The following DMXL2 variants were observed in gnomAD, a reference collection of about 807,000 sequenced individuals.
DMXL2 encodes the protein dmX-like protein 2.
Under a neutral mutation model 331.1 loss-of-function variants are expected in DMXL2, and 103 were observed. The observed-to-expected ratio is 0.31, with a 90% CI of 0.27 to 0.37. The LOEUF (loss-of-function observed/expected upper bound fraction) is 0.37, where lower values mean the gene tolerates loss of function less well. Among genes scored for constraint, DMXL2 ranks in the 10% least tolerant of loss-of-function variants. The pLI is 1.00. For synonymous variants in DMXL2, 1,281 were observed against 1,252.1 expected, an observed-to-expected ratio of 1.02 and a Z score of -0.49; for missense variants, 3,171 against 3,642.9, an observed-to-expected ratio of 0.87 and a Z score of 3.33.
chr15:51,499,327 C>T lies in DMXL2; in HGVS notation c.3897G>A (p.Ser1299=), dbSNP rs771049548. 8 of 1,613,784 alleles carry T rather than the reference C, an allele frequency of 5.0e-6. No individual in the cohort carries two copies. Among genetic ancestry groups the T allele is most frequent in the African/African-American group, 1.3e-5 (1 of 74,918 alleles). ...NAEEAAMQDH[S]TFKSNMLARK... ...TTGCCAGCATATTAGATTTAAAGGT[C>T]GAATGATCTTGCATTGCTGCCTCTT... The change falls in exon 18 of 44, where the codon TCG becomes TCA. Residue 1299 remains serine, a synonymous_variant. Coordinates refer to ENST00000560891, the MANE Select transcript of DMXL2 (RefSeq NM_001378457.1).
At position 51,463,469 on chromosome 15, in the gene DMXL2, G is replaced by A; in HGVS notation, c.7836C>T (p.Val2612=). ...FKSRDSSAFP[V]KRLWHFLVKQ... is the part of the protein sequence containing the mutation. ...TAACAAGGAAATGCCAAAGTCGTTT[G>A]ACTGGAAATGCAGAAGAATCCCGGG... Residue 2612 remains valine (V), a synonymous_variant, in exon 33 of 44, where the codon GTC becomes GTT. Coordinates refer to ENST00000560891, the MANE Select transcript of DMXL2 (RefSeq NM_001378457.1). 1 of 1,596,936 alleles carries A rather than the reference G, an allele frequency of 6.3e-7. No individual in the cohort carries two copies. The highest frequency in any genetic ancestry group is 8.5e-7 in the Non-Finnish European group (1 of 1,174,340).
intron 36 of DMXL2, chr15:51,457,863 C>G (rs2039775927): frequency 5.7e-6 from 1 of 175,196 alleles, no homozygotes; most frequent in South Asian, 1.3e-4. Flanking sequence ...TGGATTGTAT[C>G]ATAGTACATG....
intron 9 of DMXL2, among the ~76,000 whole-genome samples, chr15:51,541,990 G>C (rs1007500311): frequency 1.3e-5 from 2 of 152,142 alleles, no homozygotes; most frequent in African/African-American, 4.8e-5. Flanking sequence ...AAGAAGAGTT[G>C]GGAAGATTTA....
chr15:51,486,991 A>G (rs1424050593), intron 22 of DMXL2, among the ~76,000 whole-genome samples: 1 of 152,182 alleles, frequency 6.6e-6, no homozygotes, highest in Admixed American at 6.5e-5. Context: ...TTAAAATACT[A>G]AAGTACTTTC....
At chr15:51,589,743 G>A (rs1343722147) in intron 1 of DMXL2, among the ~76,000 whole-genome samples, 1 of 152,022 alleles carries the variant, frequency 6.6e-6, no homozygotes, top group African/African-American at 2.4e-5. Context: ...GCTAGAGTAT[G>A]GTACAGCATC....
chr15:51,609,158 G>T (rs762401341), intron 1 of DMXL2, among the ~76,000 whole-genome samples: 21 of 152,134 alleles, frequency 1.4e-4, no homozygotes, highest in Non-Finnish European at 2.4e-4. Context: ...AGAATATGGA[G>T]TCTTAGGACT....
chr15:51,457,451 A>C lies in DMXL2; in HGVS notation c.8214T>G (p.Asp2738Glu). The change falls in exon 37 of 44, where the codon GAT (aspartate) becomes GAG (glutamate). Residue 2738 changes from aspartate (D) to glutamate (E), a missense_variant. This residue lies in a region of DMXL2 where 766 missense variants were observed against 940.5 expected (regional missense o/e 0.81). Transcript: ENST00000560891. ...AAAGAGTTGTAGTGGAACCACGATAATCAACATCATCTGAACTGTGAAAAA... is the reference window on the plus strand; with the variant it reads ...AAAGAGTTGTAGTGGAACCACGATACTCAACATCATCTGAACTGTGAAAAA... ...DRESKSSDDV[D>E]YRGSTTTLYQ... The C allele has an allele frequency of 6.2e-7, 1 of 1,614,188 alleles. No homozygotes were observed. Among genetic ancestry groups the C allele is most frequent in the Non-Finnish European group, 8.5e-7 (1 of 1,180,012 alleles).
intron 1 of DMXL2, among the ~76,000 whole-genome samples, chr15:51,618,191 C>G (rs1169945542): frequency 6.6e-6 from 1 of 152,176 alleles, no homozygotes. Context: ...CACTTAAATG[C>G]TGGTAATATT....
intron 1 of DMXL2, among the ~76,000 whole-genome samples, chr15:51,577,216 T>C (rs1322066660): frequency 2.6e-5 from 4 of 152,174 alleles, no homozygotes; most frequent in Non-Finnish European, 5.9e-5. Flanking sequence ...TTAAGCAGTG[T>C]GGTTACGACC....
chr15:51,610,072 G>A (rs566844269), intron 1 of DMXL2, among the ~76,000 whole-genome samples: 3 of 152,234 alleles, frequency 2.0e-5, no homozygotes, highest in East Asian at 1.9e-4. Context: ...GATCTGAAAC[G>A]TAACTATGCA....
At chr15:51,582,574 A>G (rs561327043) in intron 1 of DMXL2, among the ~76,000 whole-genome samples, 1 of 152,312 alleles carries the variant, frequency 6.6e-6, no homozygotes, top group South Asian at 2.1e-4. Context: ...ATTAACAAAG[A>G]TTTCCCAGGA....
intron 1 of DMXL2, among the ~76,000 whole-genome samples, chr15:51,577,606 T>C (rs758548361): frequency 1.4e-4 from 21 of 152,184 alleles, no homozygotes; most frequent in Non-Finnish European, 2.5e-4. Flanking sequence ...ATATTGAGTA[T>C]ATGCAGAAGA....
At chr15:51,501,676 C>T (rs2043615595) in intron 17 of DMXL2, among the ~76,000 whole-genome samples, 1 of 152,128 alleles carries the variant, frequency 6.6e-6, no homozygotes, top group African/African-American at 2.4e-5. Flanking sequence ...AATCCCAGCA[C>T]TTTGGGAGGC....
chr15:51,518,074 G>A (rs2047136424), intron 13 of DMXL2, among the ~76,000 whole-genome samples: 1 of 152,170 alleles, frequency 6.6e-6, no homozygotes, highest in Non-Finnish European at 1.5e-5. Context: ...GCTCACACCT[G>A]TAATTCCAGC....
intron 23 of DMXL2, among the ~76,000 whole-genome samples, chr15:51,485,057 AAGG>A (rs1297803436): frequency 1.3e-5 from 2 of 150,736 alleles, no homozygotes; most frequent in Non-Finnish European, 3.0e-5. Context: ...AAAAAGGAAG[AAGG>A]AGGAACAGAA....
Position 51,538,260 on chromosome 15 carries a change from T to C in DMXL2, c.1298A>G (p.His433Arg). The C allele has an allele frequency of 1.2e-6, 2 of 1,613,846 alleles. No homozygotes were observed. The highest frequency in any genetic ancestry group is 1.7e-6 in the Non-Finnish European group (2 of 1,179,826). Residue 433 changes from histidine (H) to arginine (R), a missense_variant, in exon 10 of 44, where the codon CAT becomes CGT. By Grantham distance (29) the His-to-Arg change is conservative (BLOSUM62 0). Coordinates refer to ENST00000560891, the MANE Select transcript of DMXL2 (RefSeq NM_001378457.1). ...ACCCCGTTCTCTATCCTCCTGTGAA[T>C]GTTCCTCATCTTCTCTATCTGCATC... The part of the protein sequence containing the change: ...NDDADREDEE[H>R]SQEDRERGLH...
chr15:51,517,863 G>A (rs567912377), intron 13 of DMXL2, among the ~76,000 whole-genome samples: 1 of 152,312 alleles, frequency 6.6e-6, no homozygotes, highest in South Asian at 2.1e-4. Context: ...ATACACTGGA[G>A]TTGTAGAAAC....
At position 51,547,421 on chromosome 15, in the gene DMXL2, T is replaced by C. The variant is rs200368899; in HGVS notation, c.568-13A>G. 315 of 1,545,722 alleles carry C rather than the reference T, an allele frequency of 2.0e-4. 8 individuals are homozygous for C. The South Asian group carries it at 3.0e-3, about 15-fold the overall frequency. On this transcript the variant is annotated splice_polypyrimidine_tract_variant and intron_variant, in intron 6 of 43. Transcript: ENST00000560891. ...AAAGACAATCATCCTGAAAAATACA[T>C]AGGTCAATATAAAATTAATTTGTAC...
chr15:51,585,589 T>C (rs187396168), intron 1 of DMXL2, among the ~76,000 whole-genome samples: 68 of 152,308 alleles, frequency 4.5e-4, no homozygotes, highest in Admixed American at 1.3e-3. Flanking sequence ...AATTCTAAGA[T>C]ATAATATGCT....
Sources: gnomAD v4.1 joint callset for allele counts (sites outside exome capture counted in the v4.1 genomes callset) on GRCh38, gnomAD v4.1.1 for gene constraint, gnomAD v4.1.1 regional missense constraint, MANE v1.5 for transcripts, NCBI Gene and HGNC (gene_info 2026-07-23, HGNC 2026-07-21) for gene names.